TMTC2: variants seen among roughly 807,000 people sequenced by gnomAD.
TMTC2 encodes transmembrane O-mannosyltransferase targeting cadherins 2.
TMTC2 carries 43 observed loss-of-function variants against 82.4 expected under a neutral mutation model. That is an observed-to-expected ratio of 0.52 (90% CI 0.41 to 0.67). TMTC2 has a LOEUF of 0.67. TMTC2 is among the 30% of genes least tolerant of loss of function. The pLI, the probability that TMTC2 is intolerant of heterozygous loss-of-function variation, is 0.00. For synonymous variants in TMTC2, 408 were observed against 381.9 expected (o/e 1.07, Z -0.80); for missense variants, 919 against 1,012.4 (o/e 0.91, Z 1.25).
intron 1 of TMTC2, among the ~76,000 whole-genome samples, chr12:82,771,836 G>C (rs1284881950): frequency 6.6e-6 from 1 of 151,984 alleles, no homozygotes; most frequent in African/African-American, 2.4e-5. Flanking sequence ...AAAGGAAGTA[G>C]GTAGATAGGA....
chr12:82,802,990 G>T (rs74561614), intron 1 of TMTC2, among the ~76,000 whole-genome samples: 1 of 152,130 alleles, frequency 6.6e-6, no homozygotes. Context: ...ATGACAAGAT[G>T]TGTGACATAT....
chr12:82,981,067 C>G (rs936273014), intron 7 of TMTC2, among the ~76,000 whole-genome samples: 7 of 151,772 alleles, frequency 4.6e-5, no homozygotes, highest in African/African-American at 1.7e-4. Context: ...ATGCATTGTT[C>G]GTGTTGGTTA....
intron 1 of TMTC2, among the ~76,000 whole-genome samples, chr12:82,830,566 A>G (rs1018946727): frequency 6.6e-6 from 1 of 152,132 alleles, no homozygotes. Context: ...ACCATGTCCT[A>G]ATGGTATCTT....
chr12:83,006,944 CG>C (rs1192080880), intron 8 of TMTC2, among the ~76,000 whole-genome samples: 1 of 148,084 alleles, frequency 6.8e-6, no homozygotes. Context: ...GTCATGGGGT[CG>C]GGGGCTGGGG....
intron 4 of TMTC2, among the ~76,000 whole-genome samples, chr12:82,951,990 C>G (rs1877372878): frequency 6.6e-6 from 1 of 152,104 alleles, no homozygotes; most frequent in African/African-American, 2.4e-5. Flanking sequence ...AATACAAAGT[C>G]TGCTATCCTA....
intron 8 of TMTC2, among the ~76,000 whole-genome samples, chr12:82,988,425 G>T (rs1335919968): frequency 1.3e-5 from 2 of 152,180 alleles, no homozygotes; most frequent in African/African-American, 4.8e-5. Flanking sequence ...TGCAGCCAAT[G>T]AATGGAGTAT....
intron 2 of TMTC2, among the ~76,000 whole-genome samples, chr12:82,874,308 C>A (rs547800302): frequency 3.9e-5 from 6 of 152,302 alleles, no homozygotes; most frequent in Admixed American, 3.9e-4. Flanking sequence ...CTCATTTAAC[C>A]TCTCCAGGAG....
intron 7 of TMTC2, among the ~76,000 whole-genome samples, chr12:82,978,630 A>T (rs1331309938): frequency 6.6e-6 from 1 of 151,798 alleles, no homozygotes; most frequent in Non-Finnish European, 1.5e-5. Context: ...CTTGAAAATG[A>T]TCCATGTGCT....
intron 4 of TMTC2, among the ~76,000 whole-genome samples, chr12:82,964,671 T>A (rs1878107429): frequency 6.6e-6 from 1 of 152,118 alleles, no homozygotes. Flanking sequence ...TAGGCAAGCT[T>A]CATTTCCGAA....
chr12:83,040,226 C>A (rs1472482384), intron 9 of TMTC2, among the ~76,000 whole-genome samples: 1 of 152,194 alleles, frequency 6.6e-6, no homozygotes, highest in East Asian at 1.9e-4. Context: ...TCTTCTGACA[C>A]CCCAGCTCAC....
intron 1 of TMTC2, among the ~76,000 whole-genome samples, chr12:82,783,148 TA>T (rs1877990735): frequency 6.6e-6 from 1 of 152,126 alleles, no homozygotes; most frequent in Non-Finnish European, 1.5e-5. Flanking sequence ...AATAGGTATT[TA>T]AAAAAGCAAG....
chr12:83,033,183 G>A (rs1243766454), intron 9 of TMTC2, among the ~76,000 whole-genome samples: 2 of 152,148 alleles, frequency 1.3e-5, no homozygotes, highest in African/African-American at 4.8e-5. Context: ...AAACAGATGA[G>A]AAGGCCATAA....
At chr12:83,018,784 A>G (rs1051209957) in intron 8 of TMTC2, among the ~76,000 whole-genome samples, 3 of 152,072 alleles carry the variant, frequency 2.0e-5, no homozygotes, top group African/African-American at 7.2e-5. Flanking sequence ...GCCATCCATC[A>G]TTTAGGCAAC....
chr12:83,018,117 A>G (rs1304384838), intron 8 of TMTC2, among the ~76,000 whole-genome samples: 1 of 151,122 alleles, frequency 6.6e-6, no homozygotes, highest in Non-Finnish European at 1.5e-5. Flanking sequence ...GAGCATTTGG[A>G]TTTGAGAGCA....
intron 8 of TMTC2, among the ~76,000 whole-genome samples, chr12:82,994,285 C>T (rs974834752): frequency 3.9e-5 from 6 of 152,138 alleles, no homozygotes; most frequent in African/African-American, 1.4e-4. Context: ...TCTGAAGTAG[C>T]TGGGACTACA....
At chr12:82,710,705 A>C (rs1301055835) in intron 1 of TMTC2, among the ~76,000 whole-genome samples, 1 of 152,236 alleles carries the variant, frequency 6.6e-6, no homozygotes, top group Non-Finnish European at 1.5e-5. Context: ...TGGGTGAATC[A>C]TTGACTACTG....
intron 8 of TMTC2, among the ~76,000 whole-genome samples, chr12:83,020,669 A>G (rs947205311): frequency 2.0e-5 from 3 of 151,860 alleles, no homozygotes; most frequent in Admixed American, 1.3e-4. Context: ...CAGGATACCA[A>G]TATAGCAACC....
At chr12:82,852,514 C>T (rs1047516370) in intron 1 of TMTC2, among the ~76,000 whole-genome samples, 1 of 152,162 alleles carries the variant, frequency 6.6e-6, no homozygotes, top group Non-Finnish European at 1.5e-5. Context: ...AGTTCCTCCA[C>T]CTTTCCTAGA....
chr12:82,787,958 A>C (rs1268191892), intron 1 of TMTC2, among the ~76,000 whole-genome samples: 1 of 151,966 alleles, frequency 6.6e-6, no homozygotes, highest in Non-Finnish European at 1.5e-5. Flanking sequence ...ATGTCCTTAG[A>C]CCACCAGTAG....
Sources: allele counts gnomAD v4.1 joint callset (sites outside exome capture counted in the v4.1 genomes callset), GRCh38; gene constraint gnomAD v4.1.1; transcripts MANE v1.5; gene names NCBI Gene and HGNC (gene_info 2026-07-23, HGNC 2026-07-21).